Variants in ATP8A2 observed in about 807,000 individuals in gnomAD.
The protein encoded by ATP8A2 is ATPase phospholipid transporting 8A2, also known as phospholipid-transporting ATPase IB.
A neutral mutation model predicts 165.6 loss-of-function variants in ATP8A2; 100 were observed. The ratio of observed to expected loss-of-function variants is 0.60; its 90% CI spans 0.51 to 0.71. The LOEUF is 0.71. Among genes scored for constraint, ATP8A2 ranks in the 30% least tolerant of loss-of-function variants. The pLI is 0.00. For synonymous variants in ATP8A2, 543 were observed against 548.8 expected (o/e 0.99, Z 0.15); for missense variants, 1,227 against 1,479.5 (o/e 0.83, Z 2.80).
intron 30 of ATP8A2, among the ~76,000 whole-genome samples, chr13:25,845,528 T>G (rs1337702501): frequency 6.6e-6 from 1 of 152,190 alleles, no homozygotes; most frequent in Non-Finnish European, 1.5e-5. Context: ...CCATACGGAT[T>G]CTTATGTATG....
intron 35 of ATP8A2, among the ~76,000 whole-genome samples, chr13:25,984,583 G>A (rs1420028706): frequency 7.5e-6 from 1 of 133,984 alleles, no homozygotes; most frequent in Admixed American, 8.1e-5. Flanking sequence ...TGCCGACAGA[G>A]TGAGACTTTG....
chr13:25,408,000 A>G (rs575267747), intron 1 of ATP8A2, among the ~76,000 whole-genome samples: 4 of 152,306 alleles, frequency 2.6e-5, no homozygotes, highest in African/African-American at 9.6e-5. Context: ...TGGTCAGTGC[A>G]GCAAACCACC....
chr13:25,567,986 C>A (rs969253809), intron 16 of ATP8A2, among the ~76,000 whole-genome samples: 2 of 152,228 alleles, frequency 1.3e-5, no homozygotes, highest in African/African-American at 4.8e-5. Flanking sequence ...ACATTCTCAT[C>A]TAAATTGTCT....
intron 27 of ATP8A2, among the ~76,000 whole-genome samples, chr13:25,811,898 A>G (rs369150612): frequency 6.6e-6 from 1 of 152,164 alleles, no homozygotes; most frequent in South Asian, 2.1e-4. Flanking sequence ...AGTTGTCTTC[A>G]TATCTCTGAA....
intron 24 of ATP8A2, among the ~76,000 whole-genome samples, chr13:25,638,807 G>A (rs191114557): frequency 1.3e-5 from 2 of 152,246 alleles, no homozygotes; most frequent in East Asian, 3.9e-4. Context: ...ATAATTGTCA[G>A]ATTCACCAAA....
intron 33 of ATP8A2, among the ~76,000 whole-genome samples, chr13:25,907,838 A>G (rs1418115416): frequency 6.6e-6 from 1 of 152,198 alleles, no homozygotes; most frequent in Non-Finnish European, 1.5e-5. Context: ...ACTCTTAAAT[A>G]AAAACAGTAG....
At chr13:25,792,392 A>G (rs1188157934) in intron 27 of ATP8A2, among the ~76,000 whole-genome samples, 1 of 152,160 alleles carries the variant, frequency 6.6e-6, no homozygotes, top group African/African-American at 2.4e-5. Flanking sequence ...GTTGTCTTTA[A>G]TATGTCTCAT....
At chr13:25,968,974 G>C (rs1441074893) in intron 35 of ATP8A2, among the ~76,000 whole-genome samples, 1 of 152,182 alleles carries the variant, frequency 6.6e-6, no homozygotes, top group East Asian at 1.9e-4. Context: ...GAAGAGTCCA[G>C]AGTTAGCAGT....
intron 27 of ATP8A2, among the ~76,000 whole-genome samples, chr13:25,796,271 A>G (rs1234565403): frequency 2.0e-5 from 3 of 152,146 alleles, no homozygotes; most frequent in Non-Finnish European, 4.4e-5. Flanking sequence ...TAAAACTATG[A>G]TTACTTCATA....
intron 33 of ATP8A2, among the ~76,000 whole-genome samples, chr13:25,895,469 A>G (rs1419350242): frequency 3.2e-4 from 49 of 152,250 alleles, no homozygotes; most frequent in African/African-American, 1.1e-3. Context: ...ATCAATGTTC[A>G]TCAAGGATAT....
At chr13:25,991,993 G>T (rs2139292739) in intron 35 of ATP8A2, among the ~76,000 whole-genome samples, 1 of 151,254 alleles carries the variant, frequency 6.6e-6, no homozygotes, top group Non-Finnish European at 1.5e-5. Context: ...ATTAGTGGAG[G>T]GTTACCTGAT....
chr13:25,527,537 G>T (rs980921871), intron 2 of ATP8A2, among the ~76,000 whole-genome samples: 5 of 151,994 alleles, frequency 3.3e-5, no homozygotes, highest in Non-Finnish European at 7.4e-5. Context: ...ATATATTTTG[G>T]CAATTATTTT....
At chr13:25,673,293 A>C (rs926941975) in intron 24 of ATP8A2, among the ~76,000 whole-genome samples, 1 of 152,122 alleles carries the variant, frequency 6.6e-6, no homozygotes, top group African/African-American at 2.4e-5. Flanking sequence ...ATGTATGTGG[A>C]ATTCTATTTG....
At chr13:25,793,577 C>T (rs1156956416) in intron 27 of ATP8A2, among the ~76,000 whole-genome samples, 1 of 152,066 alleles carries the variant, frequency 6.6e-6, no homozygotes, top group Non-Finnish European at 1.5e-5. Context: ...TATGTGTGCA[C>T]ATATATGTGT....
At chr13:25,897,143 G>T (rs868422750) in intron 33 of ATP8A2, among the ~76,000 whole-genome samples, 2 of 152,138 alleles carry the variant, frequency 1.3e-5, no homozygotes, top group Non-Finnish European at 2.9e-5. Context: ...GGTCTTTACA[G>T]TTTGGCATGT....
intron 25 of ATP8A2, among the ~76,000 whole-genome samples, chr13:25,740,364 C>T (rs987362787): frequency 7.0e-6 from 1 of 142,278 alleles, no homozygotes; most frequent in African/African-American, 2.6e-5. Context: ...GAAGGATGAA[C>T]AGCAGTGTTT....
intron 1 of ATP8A2, among the ~76,000 whole-genome samples, chr13:25,382,024 A>G (rs116666077): frequency 7.2e-5 from 11 of 152,118 alleles, no homozygotes; most frequent in African/African-American, 2.4e-4. Flanking sequence ...GTATCCCCCA[A>G]TGTGGTATCA....
At chr13:25,474,733 A>G (rs2035946093) in intron 2 of ATP8A2, among the ~76,000 whole-genome samples, 1 of 150,430 alleles carries the variant, frequency 6.6e-6, no homozygotes, top group African/African-American at 2.5e-5. Flanking sequence ...GGTTCGGGAT[A>G]TGTGTGCAGG....
At position 25,740,047 on chromosome 13, in the gene ATP8A2, C is replaced by T. The variant is rs150782712; in HGVS notation, c.2385-28999C>T. On this transcript the variant is annotated intron_variant, in intron 25 of 36. Coordinates refer to ENST00000381655, the MANE Select transcript of ATP8A2 (RefSeq NM_016529.6). ...AAAGAGGGCTGGGCGCAGTGGCTCACGCCTGTAATCCCAGCACTTTGGGAG... is the reference window on the plus strand; with the variant it reads ...AAAGAGGGCTGGGCGCAGTGGCTCATGCCTGTAATCCCAGCACTTTGGGAG... 4.2e-3 allele frequency among the ~76,000 whole-genome samples: 643 copies of T among 152,258 alleles called. 5 individuals carry two copies. The highest frequency in any genetic ancestry group is 0.014 in the African/African-American group (596 of 41,542).
Sources: gnomAD v4.1 joint callset for allele counts (sites outside exome capture counted in the v4.1 genomes callset) on GRCh38, gnomAD v4.1.1 for gene constraint, MANE v1.5 for transcripts, NCBI Gene and HGNC (gene_info 2026-07-23, HGNC 2026-07-21) for gene names.